TDRP: variants seen among roughly 807,000 people sequenced by gnomAD.
TDRP encodes the protein testis development related protein, also known as testis development-related protein.
TDRP carries 12 observed loss-of-function variants against 10.5 expected under a neutral mutation model. The observed-to-expected ratio is 1.15, with a 90% CI of 0.73 to 1.86. TDRP has a LOEUF of 1.86. Among genes scored for constraint, TDRP ranks in the 40% most tolerant of loss-of-function variants. The probability of loss-of-function intolerance (pLI) is 0.00; values close to 1 mark genes in which losing one functional copy is unlikely to be tolerated. For synonymous variants in TDRP, 139 were observed against 95.4 expected (o/e 1.46, Z -2.67); for missense variants, 353 against 229.2 (o/e 1.54, Z -3.49).
rs1800983743 is a variant in TDRP at position 491,775 on chromosome 8, C to T, written c.*624G>A. On this transcript the variant is annotated 3_prime_UTR_variant, in exon 3 of 3. Transcript: ENST00000324079. ...TCCAAAAAAGAACCACTGTTACTAT[C>T]CAGTGGACATACAAGAAGCTATTCC... 1.5e-6 allele frequency: 2 copies of T among 1,340,038 alleles called. No individual in the cohort carries two copies. The highest frequency in any genetic ancestry group is 3.6e-5 in the Admixed American group (1 of 27,962). The allele number at this position is 1,340,038 out of a possible 1,614,324, so 83.0% of individuals were successfully genotyped here.
chr8:544,965 C>T (rs1584890457), upstream of TDRP: 7 of 342,682 alleles, frequency 2.0e-5, no homozygotes, highest in East Asian at 3.1e-4. Context: ...CCGGCCCGCC[C>T]CCAAACCATC....
chr8:531,467 T>G (rs888114096), intron 1 of TDRP, among the ~76,000 whole-genome samples: 1 of 152,122 alleles, frequency 6.6e-6, no homozygotes, highest in Non-Finnish European at 1.5e-5. Context: ...ATAGGATCTG[T>G]GCTAATTCTG....
chr8:494,003 T>TTG (rs1261463067), intron 2 of TDRP, among the ~76,000 whole-genome samples: 4 of 149,068 alleles, frequency 2.7e-5, no homozygotes, highest in Non-Finnish European at 6.0e-5. Context: ...GTTTTTTTTT[T>TTG]TTTTTTTTTT....
chr8:495,998 G>A (rs1179656085), intron 1 of TDRP, among the ~76,000 whole-genome samples: 1 of 152,216 alleles, frequency 6.6e-6, no homozygotes, highest in Admixed American at 6.5e-5. Context: ...GTTGTGACTG[G>A]AGAGGCGTTT....
At chr8:493,790 G>C (rs1391230070) in intron 2 of TDRP, among the ~76,000 whole-genome samples, 3 of 151,790 alleles carry the variant, frequency 2.0e-5, no homozygotes, top group African/African-American at 4.8e-5. Context: ...TTTTTGTTTT[G>C]TTTTGGTTTG....
intron 1 of TDRP, among the ~76,000 whole-genome samples, chr8:515,903 G>T (rs535093862): frequency 4.2e-4 from 64 of 152,000 alleles, no homozygotes; most frequent in African/African-American, 1.5e-3. Flanking sequence ...ACAAAAAATG[G>T]CTGAATATAA....
At chr8:494,130 ATTTT>A (rs36052358) in intron 2 of TDRP, among the ~76,000 whole-genome samples, 1 of 143,912 alleles carries the variant, frequency 6.9e-6, no homozygotes, top group African/African-American at 2.6e-5. Flanking sequence ...CTAATTTCTG[ATTTT>A]TTTTTTTTAG....
At position 491,742 on chromosome 8, in the gene TDRP, A is replaced by C; in HGVS notation, c.*657T>G. 1 of 1,415,300 alleles carries C rather than the reference A, an allele frequency of 7.1e-7. No homozygotes were observed. Among genetic ancestry groups the C allele is most frequent in the Admixed American group, 3.2e-5 (1 of 31,716 alleles). 87.7% of individuals were successfully genotyped at this position (1,415,300 alleles called of 1,614,324 possible). ...GATTTAGAAGTTCAAAAGAGGTAAA[A>C]ATAAAATTCCAAAAAAGAACCACTG... On this transcript the variant is annotated 3_prime_UTR_variant, in exon 3 of 3. Transcript: ENST00000324079.
chr8:534,967 C>T (rs543607568), intron 1 of TDRP, among the ~76,000 whole-genome samples: 2 of 152,164 alleles, frequency 1.3e-5, no homozygotes, highest in Non-Finnish European at 2.9e-5. Flanking sequence ...AAAAACGACA[C>T]AACGCATTCT....
intron 1 of TDRP, among the ~76,000 whole-genome samples, chr8:498,779 C>G (rs528637777): frequency 6.6e-6 from 1 of 152,242 alleles, no homozygotes; most frequent in East Asian, 1.9e-4. Flanking sequence ...GGGAAGGGAC[C>G]TGGTGGGACG....
At chr8:504,690 C>A (rs1434832248) in intron 1 of TDRP, among the ~76,000 whole-genome samples, 1 of 152,202 alleles carries the variant, frequency 6.6e-6, no homozygotes, top group Non-Finnish European at 1.5e-5. Flanking sequence ...CACCAGGTTA[C>A]AATTTGGGTC....
intron 1 of TDRP, among the ~76,000 whole-genome samples, chr8:507,537 C>T (rs139356775): frequency 1.3e-5 from 2 of 152,230 alleles, no homozygotes; most frequent in African/African-American, 4.8e-5. Flanking sequence ...CAGCTGCATG[C>T]GGTCACGGAC....
chr8:506,128 T>A (rs1248273342), intron 1 of TDRP, among the ~76,000 whole-genome samples: 1 of 152,194 alleles, frequency 6.6e-6, no homozygotes, highest in African/African-American at 2.4e-5. Flanking sequence ...AAGAAACGAA[T>A]ACTCCAGATT....
At chr8:525,230 C>T (rs753044168) in intron 1 of TDRP, among the ~76,000 whole-genome samples, 3 of 152,104 alleles carry the variant, frequency 2.0e-5, no homozygotes, top group Non-Finnish European at 4.4e-5. Flanking sequence ...GTCCTTCAAG[C>T]ATGAAGGAGA....
At chr8:496,145 C>A (rs1563115828) in intron 1 of TDRP, among the ~76,000 whole-genome samples, 1 of 152,052 alleles carries the variant, frequency 6.6e-6, no homozygotes, top group Admixed American at 6.5e-5. Context: ...ACCATCACAG[C>A]AAAAAACACT....
At chr8:516,277 G>A (rs1001793733) in intron 1 of TDRP, among the ~76,000 whole-genome samples, 33 of 152,252 alleles carry the variant, frequency 2.2e-4, no homozygotes, top group African/African-American at 7.7e-4. Context: ...ACTATGGCGT[G>A]TCCCTCAGGA....
chr8:526,377 G>C (rs1802035465), intron 1 of TDRP, among the ~76,000 whole-genome samples: 1 of 152,126 alleles, frequency 6.6e-6, no homozygotes, highest in Non-Finnish European at 1.5e-5. Flanking sequence ...TTATTATGTG[G>C]AGTTATGTTC....
intron 1 of TDRP, among the ~76,000 whole-genome samples, chr8:535,955 G>C (rs1296454834): frequency 6.6e-6 from 1 of 152,184 alleles, no homozygotes; most frequent in African/African-American, 2.4e-5. Flanking sequence ...GACTCACAAA[G>C]TGAAACCCAC....
intron 1 of TDRP, among the ~76,000 whole-genome samples, chr8:521,244 T>TA (rs749196601): frequency 0.71 from 52,430 of 74,302 alleles, 17,459 homozygotes; most frequent in Admixed American, 0.77. Context: ...CTACTAAAAA[T>TA]CCAAAAAAAA....
Sources: gnomAD v4.1 joint callset for allele counts (sites outside exome capture counted in the v4.1 genomes callset) on GRCh38, gnomAD v4.1.1 for gene constraint, MANE v1.5 for transcripts, NCBI Gene and HGNC (gene_info 2026-07-23, HGNC 2026-07-21) for gene names.